STARD9: variants seen among roughly 807,000 people sequenced by gnomAD.
The protein encoded by STARD9 is StAR related lipid transfer domain containing 9, also known as stAR-related lipid transfer protein 9.
In STARD9, 346 loss-of-function variants were observed where a neutral mutation model predicts 399.8. That is an observed-to-expected ratio of 0.87 (90% CI 0.79 to 0.95). The LOEUF (loss-of-function observed/expected upper bound fraction) is 0.95, where lower values mean the gene tolerates loss of function less well. Ranked by LOEUF, STARD9 falls within the 40% of genes least tolerant of loss-of-function variation. The pLI, the probability that STARD9 is intolerant of heterozygous loss-of-function variation, is 0.00. For synonymous variants in STARD9, 2,203 were observed against 2,143.5 expected (o/e 1.03, Z -0.77); for missense variants, 5,832 against 5,667.5 (o/e 1.03, Z -0.93).
intron 6 of STARD9, 172 bp downstream of exon 6, chr15:42,638,259 A>G: frequency 1.5e-6 from 1 of 648,946 alleles, no homozygotes; most frequent in South Asian, 2.0e-5. Context: ...CCTTGGTTGT[A>G]GGAAACTTAA....
chr15:42,589,718 G>A (rs986750393), intron 3 of STARD9, among the ~76,000 whole-genome samples: 1 of 151,406 alleles, frequency 6.6e-6, no homozygotes, highest in Admixed American at 6.6e-5. Context: ...GTGATTCTCT[G>A]GCCTCAGCCT....
chr15:42,667,356 T>A (rs2060122718), intron 15 of STARD9, among the ~76,000 whole-genome samples: 1 of 151,816 alleles, frequency 6.6e-6, no homozygotes, highest in South Asian at 2.1e-4. Flanking sequence ...GACTAATTTT[T>A]GTATCTTTAG....
At chr15:42,663,772 T>C (rs1351506900) in intron 12 of STARD9, 48 bp from the exon 13 acceptor site, 1 of 1,343,328 alleles carries the variant, frequency 7.4e-7, no homozygotes, top group Non-Finnish European at 1.0e-6. Flanking sequence ...GATTAAGAGC[T>C]GGGATGGATG....
At chr15:42,581,104 C>G (rs960344285) in intron 1 of STARD9, 1 of 690,644 alleles carries the variant, frequency 1.4e-6, no homozygotes, top group Admixed American at 1.9e-5. Context: ...TGCTGCTTTT[C>G]TTCTAATCCT....
chr15:42,693,829 A>G lies in STARD9; in HGVS notation c.12251A>G (p.His4084Arg). Residue 4084 changes from histidine to arginine, a missense_variant, in exon 23 of 33, where the codon CAC becomes CGC. Transcript: ENST00000290607. ...CCTTCTTCATGGGGAGGCCTCCAGC[A>G]CCTCAGCCCCTGCCCTGTCTCTGAG... ...DRPSSWGGLQHLSPCPVSELT... is the reference protein window; with the variant it reads ...DRPSSWGGLQRLSPCPVSELT... The G allele has an allele frequency of 6.5e-7, 1 of 1,536,490 alleles. No individual in the cohort carries two copies. The highest frequency in any genetic ancestry group is 8.7e-7 in the Non-Finnish European group (1 of 1,146,666).
At position 42,692,837 on chromosome 15, in the gene STARD9, A is replaced by G; in HGVS notation, c.11259A>G (p.Glu3753=). The part of the protein sequence containing the change: ...PTLCLQTSEA[E]PQGANVILEG... ...TGTGCCTCCAGACTTCAGAGGCTGA[A>G]CCTCAGGGAGCCAATGTGATCCTTG... Residue 3753 remains glutamate (E), a synonymous_variant, in exon 23 of 33, where the codon GAA becomes GAG. Coordinates refer to ENST00000290607, the MANE Select transcript of STARD9 (RefSeq NM_020759.3). 6.5e-7 allele frequency: 1 copy of G among 1,537,184 alleles called. No homozygotes were observed. Among genetic ancestry groups the G allele is most frequent in the Non-Finnish European group, 8.7e-7 (1 of 1,146,902 alleles).
rs1452564403 is a variant in STARD9, at chr15:42,585,637, G to A, written c.234G>A (p.Val78=). 4 of 1,503,248 alleles carry A rather than the reference G, an allele frequency of 2.7e-6. No individual in the cohort carries two copies. The highest frequency in any genetic ancestry group is 3.6e-6 in the Non-Finnish European group (4 of 1,117,564). 93.1% of individuals were successfully genotyped at this position (1,503,248 alleles called of 1,614,324 possible). A position where few individuals can be genotyped will look rare whatever the true frequency, so the allele number is the denominator to read the frequency against. ...PEDPQYASQD[V]VFQDLGMEVL... is the part of the protein sequence containing the mutation. ...ATCCCCAGTATGCATCTCAAGATGT[G>A]GTAATATCATTTATCATTTTTCTTT... The change falls in exon 3 of 33, where the codon GTG becomes GTA. Residue 78 remains valine, a splice_region_variant and synonymous_variant. Transcript: ENST00000290607.
At position 42,717,597 on chromosome 15, in the gene STARD9, C is replaced by T. The variant is rs1489193857; in HGVS notation, c.13495-134C>T. ...CTGTGATTACGCCACTCCACTCCAG[C>T]CTGGGTGACAGAGCTAGACCCTGTC... On this transcript the variant is annotated intron_variant, in intron 28 of 32. Coordinates refer to ENST00000290607, the MANE Select transcript of STARD9 (RefSeq NM_020759.3). The T allele has an allele frequency of 3.8e-6, 3 of 793,440 alleles. No homozygotes were observed. In the African/African-American group the frequency reaches 5.1e-5, roughly 14 times the overall value. The allele number at this position is 793,440 out of a possible 1,614,324, so 49.1% of individuals were successfully genotyped here.
At chr15:42,670,908 G>A (rs1237246127) in intron 16 of STARD9, 1 of 152,200 alleles carries the variant, frequency 6.6e-6, no homozygotes, top group East Asian at 1.9e-4. Context: ...CAGAAGCACA[G>A]AGAGAGGTTG....
At chr15:42,649,025 C>T (rs2059702584) in intron 7 of STARD9, among the ~76,000 whole-genome samples, 1 of 152,018 alleles carries the variant, frequency 6.6e-6, no homozygotes, top group African/African-American at 2.4e-5. Flanking sequence ...GTGTGCACAC[C>T]TAGCCTCCAT....
intron 1 of STARD9, among the ~76,000 whole-genome samples, chr15:42,578,029 C>T (rs2058091806): frequency 6.6e-6 from 1 of 152,106 alleles, no homozygotes; most frequent in South Asian, 2.1e-4. Flanking sequence ...AGACCTACTG[C>T]TCTTTCTGAG....
intron 26 of STARD9, among the ~76,000 whole-genome samples, chr15:42,699,093 C>T (rs1379012643): frequency 6.6e-6 from 1 of 152,094 alleles, no homozygotes; most frequent in Non-Finnish European, 1.5e-5. Context: ...TGTGATGTTT[C>T]AATCCACATA....
Position 42,665,282 on chromosome 15 carries a change from CAG to C in STARD9, c.1210_1211del (p.Glu404ArgfsTer3). The C allele has an allele frequency of 2.6e-6, 4 of 1,536,948 alleles. No individual in the cohort carries two copies. Among genetic ancestry groups the C allele is most frequent in the Non-Finnish European group, 3.5e-6 (4 of 1,146,794 alleles). On this transcript the variant is annotated frameshift_variant, in exon 14 of 33. Transcript: ENST00000290607. LOFTEE classifies it high-confidence loss of function. ...CAAACTTAAAACTGATTAGAGAACT[CAG>C]AGAAGAGATTGAAAGACTGAAAGCC... is the stretch of plus-strand genomic sequence containing the variant. ...DANLKLIREL[R>X]EEIERLKALL...
Position 42,718,155 on chromosome 15 carries a change from C to G in STARD9, c.13738C>G (p.Arg4580Gly). 6.5e-7 allele frequency: 1 copy of G among 1,536,964 alleles called. No homozygotes were observed. Among genetic ancestry groups the G allele is most frequent in the Non-Finnish European group, 8.7e-7 (1 of 1,146,876 alleles). The change falls in exon 30 of 33, where the codon CGA (arginine) becomes GGA (glycine). Residue 4580 changes from arginine to glycine, a missense_variant. Transcript: ENST00000290607. The stretch of plus-strand genomic sequence containing the variant: ...CATCCAGACAGCAAGGCTGCATCAG[C>G]GAGTGACCAACAGCATCAGCCTGGG... ...KPIQTARLHQ[R>G]VTNSISLVYL...
rs1238203769 is a variant in STARD9, at chr15:42,686,058, G to A, written c.4480G>A (p.Glu1494Lys). 1.3e-6 allele frequency: 2 copies of A among 1,537,218 alleles called. No individual in the cohort carries two copies. Among genetic ancestry groups the A allele is most frequent in the South Asian group, 1.2e-5 (1 of 84,052 alleles). Residue 1494 changes from glutamate to lysine, a missense_variant, in exon 23 of 33, where the codon GAA becomes AAA. Glu to Lys is a moderately conservative substitution (Grantham distance 56). Around this residue, in one of 2 missense-constraint regions of STARD9, gnomAD observed 5,828 missense variants for 5,651.1 expected, o/e 1.03. Coordinates refer to ENST00000290607, the MANE Select transcript of STARD9 (RefSeq NM_020759.3). The stretch of plus-strand genomic sequence containing the variant: ...TGCCCTTCAGCAGAAGTACCTCCTT[G>A]AACTCTCTTGTCCTGTTTTGGAGGC... Reference protein sequence around the residue: ...WSALQQKYLLELSCPVLEAIG... With the variant: ...WSALQQKYLLKLSCPVLEAIG...
rs576383358 is a variant in STARD9, at chr15:42,587,617, A to G, written c.234+1980A>G. 5.8e-4 allele frequency among the ~76,000 whole-genome samples: 89 copies of G among 152,154 alleles called. 1 individual carries two copies. The highest frequency in any genetic ancestry group is 2.1e-3 in the African/African-American group (86 of 41,526). On this transcript the variant is annotated intron_variant, in intron 3 of 32. Coordinates refer to ENST00000290607, the MANE Select transcript of STARD9 (RefSeq NM_020759.3). ...GTTTCGCTCTTGTTGCCCAGCCTGG[A>G]GTGCAATGGCACCATCTCGGCTCAC...
rs1287726770 is a variant in STARD9, at chr15:42,575,655, G to C, written c.-61G>C. Reference sequence around the variant, plus strand: ...TGGGTTGGGGCTGTGTCTGGGCTTAGGGCGGGGGCCTGGGATGCTGCCGCT... The same window carrying C: ...TGGGTTGGGGCTGTGTCTGGGCTTACGGCGGGGGCCTGGGATGCTGCCGCT... On this transcript the variant is annotated 5_prime_UTR_variant, in exon 1 of 33. Transcript: ENST00000290607. The C allele has an allele frequency of 2.0e-6, 3 of 1,522,604 alleles. No individual in the cohort carries two copies. Among genetic ancestry groups the C allele is most frequent in the South Asian group, 1.2e-5 (1 of 83,678 alleles). 94.3% of individuals were successfully genotyped at this position (1,522,604 alleles called of 1,614,324 possible).
Position 42,695,151 on chromosome 15 carries a change from C to G in STARD9, c.12974C>G (p.Ser4325Ter), listed in dbSNP as rs1308273623. Residue 4325 changes from serine (S) to a stop codon, truncating the protein, a stop_gained, in exon 25 of 33, where the codon TCA (serine) becomes TGA (stop). Transcript: ENST00000290607. LOFTEE classifies it high-confidence loss of function. ...DVVETTRSPE[S>*]VSRSAHTPSD... ...GTGATCTTCCTCAGGAGCCCAGAGTCAGTGTCAAGGTCAGCTCACACACCC... is the reference window on the plus strand; with the variant it reads ...GTGATCTTCCTCAGGAGCCCAGAGTGAGTGTCAAGGTCAGCTCACACACCC... 6.5e-7 allele frequency: 1 copy of G among 1,529,848 alleles called. No homozygotes were observed. Among genetic ancestry groups the G allele is most frequent in the African/African-American group, 1.4e-5 (1 of 73,036 alleles). The allele number at this position is 1,529,848 out of a possible 1,614,324, so 94.8% of individuals were successfully genotyped here.
chr15:42,638,085 A>G lies in STARD9; in HGVS notation c.444A>G (p.Val148=), dbSNP rs1170097513. ...ASLPSSCRIK[V]SFLEIYNERV... ...TGCCTTCCTCCTGTAGGATAAAAGTAAGGTAAGAACCTCCCAAGCTCTGGG... is the reference window on the plus strand; with the variant it reads ...TGCCTTCCTCCTGTAGGATAAAAGTGAGGTAAGAACCTCCCAAGCTCTGGG... Residue 148 remains valine, a splice_region_variant and synonymous_variant, in exon 6 of 33, where the codon GTA becomes GTG. Transcript: ENST00000290607. 1.6e-5 allele frequency: 25 copies of G among 1,536,726 alleles called. No individual in the cohort carries two copies. The highest frequency in any genetic ancestry group is 2.2e-5 in the Non-Finnish European group (25 of 1,146,878).
Sources: allele counts gnomAD v4.1 joint callset (sites outside exome capture counted in the v4.1 genomes callset), GRCh38; gene constraint gnomAD v4.1.1; regional missense constraint gnomAD v4.1.1; transcripts MANE v1.5; gene names NCBI Gene and HGNC (gene_info 2026-07-23, HGNC 2026-07-21).